THEMIS: variants seen among roughly 807,000 people sequenced by gnomAD.
The protein encoded by THEMIS is thymocyte selection associated.
Under a neutral mutation model 52.6 loss-of-function variants are expected in THEMIS, and 37 were observed. The observed-to-expected ratio is 0.70, with a 90% CI of 0.54 to 0.93. The LOEUF (loss-of-function observed/expected upper bound fraction) is 0.93, where lower values mean the gene tolerates loss of function less well. Among genes scored for constraint, THEMIS ranks in the 40% least tolerant of loss-of-function variants. The pLI, the probability that THEMIS is intolerant of heterozygous loss-of-function variation, is 0.00. For synonymous variants in THEMIS, 292 were observed against 272.7 expected, an observed-to-expected ratio of 1.07 and a Z score of -0.70; for missense variants, 808 against 763.1, an observed-to-expected ratio of 1.06 and a Z score of -0.69.
intron 4 of THEMIS, among the ~76,000 whole-genome samples, chr6:127,749,916 T>C (rs988254334): frequency 2.0e-5 from 3 of 150,408 alleles, no homozygotes; most frequent in East Asian, 3.9e-4. Context: ...TAGAACAAGG[T>C]ATTAATAGAC....
At chr6:127,800,621 T>A (rs1777499508) in intron 4 of THEMIS, among the ~76,000 whole-genome samples, 1 of 152,226 alleles carries the variant, frequency 6.6e-6, no homozygotes, top group Non-Finnish European at 1.5e-5. Context: ...CAAAGGAGGT[T>A]AACGTTTGAG....
intron 4 of THEMIS, among the ~76,000 whole-genome samples, chr6:127,805,649 T>C (rs1777677224): frequency 6.6e-6 from 1 of 152,080 alleles, no homozygotes; most frequent in African/African-American, 2.4e-5. Context: ...TTTTCTGTCC[T>C]AATATTTATC....
At chr6:127,703,035 G>GGTGTTTTTTTT in the THEMIS span, among the ~76,000 whole-genome samples, 1 of 82,352 alleles carries the variant, frequency 1.2e-5, no homozygotes, top group Non-Finnish European at 2.1e-5. Flanking sequence ...TTTAGAATGA[G>GGTGTTTTTTTT]TTTTTTTTTT....
At chr6:127,736,851 C>CAA (rs3057968) in intron 4 of THEMIS, among the ~76,000 whole-genome samples, 51,081 of 104,234 alleles carry the variant, frequency 0.49, 11,503 homozygotes, top group Non-Finnish European at 0.61. Flanking sequence ...ACCAAATGAT[C>CAA]AAAAAAAAAA....
chr6:127,696,715 T>C, the THEMIS span, among the ~76,000 whole-genome samples: 1 of 152,300 alleles, frequency 6.6e-6, no homozygotes, highest in South Asian at 2.1e-4. Flanking sequence ...TTTTGTGATT[T>C]GTTTTGCTTT....
At chr6:127,914,879 C>A (rs1349357477) in intron 1 of THEMIS, among the ~76,000 whole-genome samples, 1 of 152,046 alleles carries the variant, frequency 6.6e-6, no homozygotes, top group Non-Finnish European at 1.5e-5. Context: ...AGATAAAGTG[C>A]CAAGTAAAAT....
intron 1 of THEMIS, among the ~76,000 whole-genome samples, chr6:127,861,783 C>CA (rs1225783673): frequency 0.021 from 1,968 of 95,656 alleles, 72 homozygotes; most frequent in African/African-American, 0.064. Context: ...GACTCCATCT[C>CA]AAAAAAAAAA....
chr6:127,798,038 T>C (rs1421249186), intron 4 of THEMIS, among the ~76,000 whole-genome samples: 1 of 152,262 alleles, frequency 6.6e-6, no homozygotes, highest in Admixed American at 6.5e-5. Context: ...CATACGCATA[T>C]GTGTTCATAC....
chr6:127,781,365 A>G (rs980006952), intron 4 of THEMIS, among the ~76,000 whole-genome samples: 22 of 151,812 alleles, frequency 1.4e-4, no homozygotes, highest in African/African-American at 5.3e-4. Flanking sequence ...GGAGTTTGTT[A>G]TTACCCACCT....
chr6:127,727,848 A>G (rs999102535), intron 4 of THEMIS, among the ~76,000 whole-genome samples: 2 of 152,144 alleles, frequency 1.3e-5, no homozygotes, highest in Non-Finnish European at 2.9e-5. Flanking sequence ...CCTCAGCTCA[A>G]CTTAAGCCTG....
Position 127,910,428 on chromosome 6 carries a change from G to A in THEMIS, c.-150+8000C>T, listed in dbSNP as rs148281590. Among the ~76,000 whole-genome samples the A allele has an allele frequency of 2.8e-3, 426 of 152,164 alleles. 4 individuals are homozygous for A. The highest frequency in any genetic ancestry group is 9.8e-3 in the African/African-American group (405 of 41,532). On this transcript the variant is annotated intron_variant, in intron 1 of 6. Coordinates refer to the THEMIS transcript ENST00000368250. ...AAACAGTTACAATCTCATTACGTAA[G>A]TATTGTTTTCTGATAGCAAGTATTC...
At chr6:127,803,843 C>T (rs1777614527) in intron 4 of THEMIS, among the ~76,000 whole-genome samples, 2 of 152,150 alleles carry the variant, frequency 1.3e-5, no homozygotes, top group East Asian at 3.8e-4. Flanking sequence ...CCCTGACCTT[C>T]AATCTCTTCC....
intron 3 of THEMIS, among the ~76,000 whole-genome samples, chr6:127,815,739 A>G (rs1165380098): frequency 6.6e-6 from 1 of 152,228 alleles, no homozygotes; most frequent in Non-Finnish European, 1.5e-5. Flanking sequence ...TTGAATCAAA[A>G]TGAGCTAGGT....
intron 4 of THEMIS, among the ~76,000 whole-genome samples, chr6:127,789,963 G>A (rs946659429): frequency 4.6e-5 from 7 of 152,174 alleles, no homozygotes; most frequent in Non-Finnish European, 7.3e-5. Context: ...TTGAAAACCA[G>A]CACAAGACAA....
At chr6:127,718,472 C>T (rs1486146576) in intron 5 of THEMIS, among the ~76,000 whole-genome samples, 1 of 151,898 alleles carries the variant, frequency 6.6e-6, no homozygotes, top group African/African-American at 2.4e-5. Flanking sequence ...GGGACTACTG[C>T]TGTACCATCC....
chr6:127,750,532 A>G (rs1218621940), intron 4 of THEMIS, among the ~76,000 whole-genome samples: 2 of 151,920 alleles, frequency 1.3e-5, no homozygotes, highest in East Asian at 1.9e-4. Flanking sequence ...TATTAATACA[A>G]GAGCTATTTT....
downstream of THEMIS, among the ~76,000 whole-genome samples, chr6:127,707,181 C>G (rs931186379): frequency 1.8e-4 from 27 of 152,064 alleles, no homozygotes; most frequent in African/African-American, 6.0e-4. Context: ...TCAATTACCT[C>G]CCACCAGGTC....
chr6:127,849,073 T>G (rs1779328095), intron 2 of THEMIS, among the ~76,000 whole-genome samples: 1 of 152,108 alleles, frequency 6.6e-6, no homozygotes, highest in South Asian at 2.1e-4. Context: ...AACATTTAAG[T>G]CTTTACTCCA....
At chr6:127,872,705 T>C (rs1376907324) in intron 1 of THEMIS, among the ~76,000 whole-genome samples, 1 of 152,166 alleles carries the variant, frequency 6.6e-6, no homozygotes, top group African/African-American at 2.4e-5. Flanking sequence ...AAAACCTGAA[T>C]GTTTTCTCCC....
Sources: allele counts gnomAD v4.1 joint callset (sites outside exome capture counted in the v4.1 genomes callset), GRCh38; gene constraint gnomAD v4.1.1; transcripts MANE v1.5; gene names NCBI Gene and HGNC (gene_info 2026-07-23, HGNC 2026-07-21).